Variants in NFS1 observed in about 807,000 individuals in gnomAD.
NFS1 encodes cysteine desulfurase.
A neutral mutation model predicts 57.3 loss-of-function variants in NFS1; 26 were observed. That is an observed-to-expected ratio of 0.45 (90% confidence interval 0.33 to 0.63). NFS1 has a LOEUF of 0.63. NFS1 is among the 20% of genes least tolerant of loss of function. The probability of loss-of-function intolerance (pLI) is 0.02; values close to 1 mark genes in which losing one functional copy is unlikely to be tolerated. For synonymous variants in NFS1, 209 were observed against 216.3 expected (o/e 0.97, Z 0.30); for missense variants, 505 against 605.8 (o/e 0.83, Z 1.75).
rs1392140931 is a variant in NFS1, at chr20:35,674,335, T to C, written c.1136+15A>G. 6 of 1,612,194 alleles carry C rather than the reference T, an allele frequency of 3.7e-6. No homozygotes were observed. The highest frequency in any genetic ancestry group is 2.2e-5 in the South Asian group (2 of 91,022). ...GTGGCCCTGCCGCAGGCCCTGTCTA[T>C]GCCGTCCAGCTCACCTCCCTGAGGA... is the stretch of plus-strand genomic sequence containing the variant. On this transcript the variant is annotated intron_variant, in intron 10 of 12. Coordinates refer to ENST00000374092, the MANE Select transcript of NFS1 (RefSeq NM_021100.5).
At chr20:35,691,659 T>C (rs982460745) in intron 4 of NFS1, among the ~76,000 whole-genome samples, 3 of 139,686 alleles carry the variant, frequency 2.1e-5, no homozygotes, top group Non-Finnish European at 4.5e-5. Context: ...GGGAATCACT[T>C]GAAATCAGGA....
intron 5 of NFS1, 94 bp downstream of exon 5, chr20:35,690,319 T>G: frequency 8.3e-7 from 1 of 1,206,160 alleles, no homozygotes; most frequent in Non-Finnish European, 1.2e-6. Flanking sequence ...GTTAGATCTA[T>G]TCCTTCAAGC....
At chr20:35,679,207 T>C (rs997312945) in intron 7 of NFS1, among the ~76,000 whole-genome samples, 3 of 152,176 alleles carry the variant, frequency 2.0e-5, no homozygotes, top group African/African-American at 7.2e-5. Flanking sequence ...TTTTTTTTGT[T>C]TTTGAGAGGG....
intron 6 of NFS1, among the ~76,000 whole-genome samples, chr20:35,681,235 A>T (rs1216769645): frequency 1.2e-5 from 1 of 85,272 alleles, no homozygotes; most frequent in East Asian, 2.8e-4. Context: ...AACAAAATAA[A>T]AAAAAAAAAA....
rs2180280 is a variant in NFS1, at chr20:35,669,429, T to C, written c.*193A>G. ...TTAAGACCCGAGAAGAAATGGGGAG[T>C]GCTCCACACCCAAGGAACTGAAGCT... On this transcript the variant is annotated 3_prime_UTR_variant, in exon 13 of 13. Transcript: ENST00000374092. 0.063 allele frequency: 34,294 copies of C among 544,018 alleles called. 1,492 individuals carry two copies. Among genetic ancestry groups the C allele is most frequent in the South Asian group, 0.18 (6,691 of 37,918 alleles). 33.7% of individuals were successfully genotyped at this position (544,018 alleles called of 1,614,324 possible). A position where few individuals can be genotyped will look rare whatever the true frequency, so the allele number is the denominator to read the frequency against.
intron 4 of NFS1, among the ~76,000 whole-genome samples, chr20:35,693,089 T>C (rs574288195): frequency 1.3e-5 from 2 of 152,128 alleles, no homozygotes; most frequent in South Asian, 4.1e-4. Context: ...AGATTTACAC[T>C]TCATTTTATT....
intron 5 of NFS1, among the ~76,000 whole-genome samples, chr20:35,684,982 G>T (rs1293042648): frequency 6.6e-6 from 1 of 151,446 alleles, no homozygotes; most frequent in East Asian, 2.0e-4. Flanking sequence ...CGCCTCCCAG[G>T]TTCAAGTGGT....
At chr20:35,688,506 A>G in intron 5 of NFS1, among the ~76,000 whole-genome samples, 1 of 152,118 alleles carries the variant, frequency 6.6e-6, no homozygotes, top group East Asian at 1.9e-4. Flanking sequence ...TCAGTGAGCC[A>G]AGATCGTGCC....
intron 4 of NFS1, among the ~76,000 whole-genome samples, chr20:35,693,359 A>G (rs983418367): frequency 3.9e-5 from 6 of 152,184 alleles, no homozygotes; most frequent in Non-Finnish European, 7.4e-5. Context: ...CGGCCTCCCA[A>G]TGTGCTAAGA....
chr20:35,694,286 A>G (rs1009670340), intron 4 of NFS1, among the ~76,000 whole-genome samples: 18 of 151,924 alleles, frequency 1.2e-4, no homozygotes, highest in Non-Finnish European at 5.9e-5. Flanking sequence ...CTAGGACTAC[A>G]GGGGTGTGCC....
At chr20:35,678,590 C>T (rs1342279786) in intron 7 of NFS1, among the ~76,000 whole-genome samples, 1 of 151,064 alleles carries the variant, frequency 6.6e-6, no homozygotes, top group East Asian at 1.9e-4. Context: ...ATAATCCCAG[C>T]TACTCAGGAG....
intron 4 of NFS1, 47 bp from the exon 5 acceptor site, chr20:35,690,612 C>A: frequency 1.3e-6 from 2 of 1,595,634 alleles, no homozygotes; most frequent in Non-Finnish European, 1.7e-6. Context: ...CTCAGAGAGA[C>A]AGCAATGACT....
chr20:35,694,238 G>C (rs2035092657), intron 4 of NFS1, among the ~76,000 whole-genome samples: 1 of 151,094 alleles, frequency 6.6e-6, no homozygotes, highest in African/African-American at 2.4e-5. Context: ...TCTGCCTCCT[G>C]GGTTCAACTG....
chr20:35,672,447 C>T (rs1160950389), intron 12 of NFS1, among the ~76,000 whole-genome samples: 3 of 152,144 alleles, frequency 2.0e-5, no homozygotes, highest in Non-Finnish European at 2.9e-5. Context: ...GACGGGGTTT[C>T]TCCATGTTGG....
intron 10 of NFS1, 34 bp downstream of exon 10, chr20:35,674,316 C>T: frequency 6.3e-7 from 1 of 1,578,622 alleles, no homozygotes; most frequent in Non-Finnish European, 8.7e-7. Context: ...CTAAGTGGCC[C>T]TGCCGCAGGC....
At chr20:35,687,032 C>T (rs920072450) in intron 5 of NFS1, among the ~76,000 whole-genome samples, 2 of 152,208 alleles carry the variant, frequency 1.3e-5, no homozygotes, top group African/African-American at 2.4e-5. Flanking sequence ...CACCAGAGGG[C>T]TCCTTGGTCT....
chr20:35,699,150 G>A lies in NFS1; in HGVS notation c.97+42C>T, dbSNP rs1319352914. 7.3e-7 allele frequency: 1 copy of A among 1,376,520 alleles called. No homozygotes were observed. The allele number at this position is 1,376,520 out of a possible 1,614,324, so 85.3% of individuals were successfully genotyped here. ...TATTCAGTTGCGTCGCCGCGCGGAG[G>A]GGACAGGTCCGCGCCTCCCGGAGAG... On this transcript the variant is annotated intron_variant, in intron 1 of 12. Transcript: ENST00000374092. The surrounding 1 kb of genome is among the most constrained non-coding windows in gnomAD (Gnocchi z 4.4).
Position 35,670,227 on chromosome 20 carries a change from C to T in NFS1, c.1311-542G>A, listed in dbSNP as rs548534790. Among the ~76,000 whole-genome samples the T allele has an allele frequency of 3.9e-5, 6 of 152,294 alleles. No homozygotes were observed. The South Asian group carries it at 1.0e-3, about 26-fold the overall frequency. ...GCTGTACCCTTACCCAGTTCTTGCC[C>T]GTTTCATCTCCCCAGAGTTGGCCTG... On this transcript the variant is annotated intron_variant, in intron 12 of 12. Coordinates refer to ENST00000374092, the MANE Select transcript of NFS1 (RefSeq NM_021100.5).
At chr20:35,690,271 T>C in intron 5 of NFS1, 142 bp downstream of exon 5, 1 of 790,948 alleles carries the variant, frequency 1.3e-6, no homozygotes, top group East Asian at 2.5e-5. Context: ...ATGATCTCGT[T>C]CTCTGCCAGG....
Sources: allele counts gnomAD v4.1 joint callset (sites outside exome capture counted in the v4.1 genomes callset), GRCh38; gene constraint gnomAD v4.1.1; non-coding constraint Gnocchi (gnomAD v3.1); transcripts MANE v1.5; gene names NCBI Gene and HGNC (gene_info 2026-07-23, HGNC 2026-07-21).